The following RUSF1 variants were observed in gnomAD, a reference collection of about 807,000 sequenced individuals.
RUSF1 encodes RUS family member 1, also known as RUS1 family protein C16orf58.
Under a neutral mutation model 63.0 loss-of-function variants are expected in RUSF1, and 58 were observed. The ratio of observed to expected loss-of-function variants is 0.92; its 90% CI spans 0.75 to 1.15. The LOEUF (loss-of-function observed/expected upper bound fraction) is 1.15. Ranked by LOEUF, RUSF1 falls within the 50% of genes most tolerant of loss-of-function variation. The pLI, the probability that RUSF1 is intolerant of heterozygous loss-of-function variation, is 0.00. For synonymous variants in RUSF1, 274 were observed against 255.8 expected (o/e 1.07, Z -0.68); for missense variants, 652 against 611.0 (o/e 1.07, Z -0.71).
chr16:31,508,365 G>A lies in RUSF1; in HGVS notation c.9C>T (p.Asp3=), dbSNP rs889769812. 4.8e-5 allele frequency: 73 copies of A among 1,514,754 alleles called. No individual in the cohort carries two copies. The highest frequency in any genetic ancestry group is 6.1e-5 in the Non-Finnish European group (70 of 1,144,490). The allele number at this position is 1,514,754 out of a possible 1,614,324, so 93.8% of individuals were successfully genotyped here. A position where few individuals can be genotyped will look rare whatever the true frequency, so the allele number is the denominator to read the frequency against. The change falls in exon 1 of 13, where the codon GAC becomes GAT. Residue 3 remains aspartate, a synonymous_variant. Transcript: ENST00000327237. MA[D]DAGLETPLCS... is the part of the protein sequence containing the mutation. Reference sequence around the variant, plus strand: ...ACAGCGGGGTCTCCAAACCCGCGTCGTCAGCCATGCCGAGCTTTTGGATCC... The same window carrying A: ...ACAGCGGGGTCTCCAAACCCGCGTCATCAGCCATGCCGAGCTTTTGGATCC...
chr16:31,490,033 G>A lies in RUSF1; in HGVS notation c.*802C>T. 2 of 1,602,994 alleles carry A rather than the reference G, an allele frequency of 1.2e-6. No homozygotes were observed. Among genetic ancestry groups the A allele is most frequent in the Non-Finnish European group, 8.5e-7 (1 of 1,174,450 alleles). ...GTAGGGCAGGCAGTGACGAGCTGGT[G>A]TGCAAGAGACTTTAGGGCCAGGCAT... is the stretch of plus-strand genomic sequence containing the variant. On this transcript the variant is annotated 3_prime_UTR_variant, in exon 13 of 13. Transcript: ENST00000327237.
chr16:31,500,695 C>T lies in RUSF1; in HGVS notation c.452G>A (p.Trp151Ter). 1 of 1,612,598 alleles carries T rather than the reference C, an allele frequency of 6.2e-7. No homozygotes were observed. Among genetic ancestry groups the T allele is most frequent in the Non-Finnish European group, 8.5e-7 (1 of 1,178,952 alleles). Residue 151 changes from tryptophan to a stop codon, truncating the protein, a stop_gained, in exon 3 of 13, where the codon TGG (tryptophan) becomes TAG (stop). Transcript: ENST00000327237. LOFTEE classifies it high-confidence loss of function. ...GGGAAGACAAACTCACCCTTTCCACCAGGCAAAGACGATGCGGCCCAGCAT... is the reference window on the plus strand; with the variant it reads ...GGGAAGACAAACTCACCCTTTCCACTAGGCAAAGACGATGCGGCCCAGCAT... ...TGMLGRIVFAWWKGSKLDCNA... is the reference protein window; with the variant it reads ...TGMLGRIVFA
chr16:31,489,730 C>G lies in RUSF1; in HGVS notation c.*1105G>C, dbSNP rs760026789. On this transcript the variant is annotated 3_prime_UTR_variant, in exon 13 of 13. Coordinates refer to ENST00000327237, the MANE Select transcript of RUSF1 (RefSeq NM_022744.4). Reference sequence around the variant, plus strand: ...GTGGGGTGAGGACAGGACAAGAGATCTGGGTGTGGAAGGATGGCCGGGTTT... The same window carrying G: ...GTGGGGTGAGGACAGGACAAGAGATGTGGGTGTGGAAGGATGGCCGGGTTT... 4.5e-6 allele frequency: 2 copies of G among 446,888 alleles called. No homozygotes were observed. The highest frequency in any genetic ancestry group is 4.0e-5 in the African/African-American group (2 of 50,174). The allele number at this position is 446,888 out of a possible 1,614,324, so 27.7% of individuals were successfully genotyped here.
In RUSF1 at chr16:31,493,472, G is replaced by A; in HGVS notation, c.1011C>T (p.Val337=). The A allele has an allele frequency of 3.1e-6, 5 of 1,605,044 alleles. No individual in the cohort carries two copies. Among genetic ancestry groups the A allele is most frequent in the Non-Finnish European group, 4.3e-6 (5 of 1,175,746 alleles). ...GGAGACGCTAGGCCACTCACCTGGA[G>A]ACCAAGCGGTGTAAGGGGACCCCCA... ...LSLGVPLHRL[V]SSVFELQQLV... The change falls in exon 9 of 13, where the codon GTC becomes GTT. Residue 337 remains valine, a synonymous_variant. Transcript: ENST00000327237.
intron 2 of RUSF1, among the ~76,000 whole-genome samples, chr16:31,503,663 CTTTA>C (rs758037134): frequency 2.2e-4 from 34 of 152,078 alleles, no homozygotes; most frequent in African/African-American, 4.3e-4. Flanking sequence ...AATAACAAGC[CTTTA>C]TTTATTTATT....
chr16:31,492,124 T>G lies in RUSF1; in HGVS notation c.1232-38A>C, dbSNP rs1002199325. The G allele has an allele frequency of 3.1e-6, 5 of 1,613,854 alleles. No individual in the cohort carries two copies. In the African/African-American group the frequency reaches 6.7e-5, roughly 22 times the overall value. ...GTGCAGAACCAGAAGCTCTGTGTCC[T>G]CCAGCAGGACAGAGTTTGTCCTCTC... On this transcript the variant is annotated intron_variant, in intron 11 of 12. Transcript: ENST00000327237.
intron 6 of RUSF1, among the ~76,000 whole-genome samples, chr16:31,495,356 G>T (rs2082596540): frequency 6.6e-6 from 1 of 152,194 alleles, no homozygotes; most frequent in African/African-American, 2.4e-5. Context: ...AGGAAACTGG[G>T]GATCAGGGAC....
chr16:31,493,742 G>T lies in RUSF1; in HGVS notation c.819C>A (p.Tyr273Ter). ...GGGCTCGGACCGCGCGGTAGTTGGC[G>T]TAGATGTGGAGGGCAGTGAGGAAGA... The part of the protein sequence containing the change: ...CFFFLTALHI[Y>*]ANYRAVRALV... The change falls in exon 8 of 13, where the codon TAC becomes TAA. Residue 273 changes from tyrosine (Y) to a stop codon, truncating the protein, a stop_gained. Coordinates refer to ENST00000327237, the MANE Select transcript of RUSF1 (RefSeq NM_022744.4). LOFTEE classifies it high-confidence loss of function. The T allele has an allele frequency of 6.2e-7, 1 of 1,614,234 alleles. No homozygotes were observed. The highest frequency in any genetic ancestry group is 8.5e-7 in the Non-Finnish European group (1 of 1,180,046).
At position 31,490,178 on chromosome 16, in the gene RUSF1, C is replaced by G; in HGVS notation, c.*657G>C. ...ACCTGGATGCTGATGAGCAGCAAGG[C>G]TCCTCACTCCCTGTACAGAATGGGT... On this transcript the variant is annotated 3_prime_UTR_variant, in exon 13 of 13. Transcript: ENST00000327237. 6.2e-7 allele frequency: 1 copy of G among 1,614,202 alleles called. No individual in the cohort carries two copies.
rs780823103 is a variant in RUSF1, at chr16:31,493,936, C to T, written c.703G>A (p.Glu235Lys). Residue 235 changes from glutamate (E) to lysine (K), a missense_variant and splice_region_variant, in exon 7 of 13, where the codon GAG becomes AAG. By Grantham distance (56) the Glu-to-Lys change is moderately conservative. Coordinates refer to ENST00000327237, the MANE Select transcript of RUSF1 (RefSeq NM_022744.4). ...AGCCCCGCCAGGTTCACCAGCGTCT[C>T]CTGGAAAATGGCAGAGGGAGAAGGA... ...ADVSAKDSSQ[E>K]TLVNLAGLLV... 1 of 1,614,042 alleles carries T rather than the reference C, an allele frequency of 6.2e-7. No homozygotes were observed.
Position 31,489,715 on chromosome 16 carries a change from G to C in RUSF1, c.*1120C>G, listed in dbSNP as rs989302446. The C allele has an allele frequency of 1.8e-5, 8 of 451,962 alleles. No individual in the cohort carries two copies. The highest frequency in any genetic ancestry group is 1.6e-4 in the African/African-American group (8 of 50,346). 28.0% of individuals were successfully genotyped at this position (451,962 alleles called of 1,614,324 possible). ...GCTGATGGTGGCAGGGTGGGGTGAG[G>C]ACAGGACAAGAGATCTGGGTGTGGA... On this transcript the variant is annotated 3_prime_UTR_variant, in exon 13 of 13. Transcript: ENST00000327237.
intron 3 of RUSF1, 29 bp downstream of exon 3, chr16:31,500,657 A>G (rs765561084): frequency 6.2e-7 from 1 of 1,608,632 alleles, no homozygotes. Context: ...AAGAGTTGCC[A>G]GAGTTGCTGG....
intron 2 of RUSF1, among the ~76,000 whole-genome samples, chr16:31,507,204 G>C (rs571558911): frequency 6.6e-6 from 1 of 152,230 alleles, no homozygotes; most frequent in South Asian, 2.1e-4. Context: ...TCCCTTTTCT[G>C]TTCTATTTCC....
chr16:31,493,743 T>A lies in RUSF1; in HGVS notation c.818A>T (p.Tyr273Phe), dbSNP rs1239121483. 6.2e-7 allele frequency: 1 copy of A among 1,614,084 alleles called. No homozygotes were observed. Residue 273 changes from tyrosine (Y) to phenylalanine (F), a missense_variant, in exon 8 of 13, where the codon TAC (tyrosine) becomes TTC (phenylalanine). Coordinates refer to ENST00000327237, the MANE Select transcript of RUSF1 (RefSeq NM_022744.4). ...CFFFLTALHIYANYRAVRALV... is the reference protein window; with the variant it reads ...CFFFLTALHIFANYRAVRALV... ...GGCTCGGACCGCGCGGTAGTTGGCG[T>A]AGATGTGGAGGGCAGTGAGGAAGAA...
chr16:31,493,437 G>A, intron 9 of RUSF1, 30 bp downstream of exon 9: 1 of 1,572,698 alleles, frequency 6.4e-7, no homozygotes. Context: ...GGTGGCGGTG[G>A]TGACGAGCGG....
At chr16:31,493,973 C>T (rs1472513685) in intron 6 of RUSF1, 37 bp from the exon 7 acceptor site, 1 of 1,601,344 alleles carries the variant, frequency 6.2e-7, no homozygotes, top group Non-Finnish European at 8.5e-7. Context: ...TTGGAAGGTG[C>T]CCCTCCAGGC....
intron 5 of RUSF1, among the ~76,000 whole-genome samples, chr16:31,497,195 G>A (rs2082608268): frequency 6.6e-6 from 1 of 151,854 alleles, no homozygotes; most frequent in South Asian, 2.1e-4. Context: ...CAAGGTGGAG[G>A]CCCAAAGATC....
In RUSF1 at chr16:31,508,362, G is replaced by T; in HGVS notation, c.12C>A (p.Asp4Glu). The T allele has an allele frequency of 6.6e-7, 1 of 1,517,170 alleles. No individual in the cohort carries two copies. Among genetic ancestry groups the T allele is most frequent in the Non-Finnish European group, 8.7e-7 (1 of 1,145,588 alleles). 94.0% of individuals were successfully genotyped at this position (1,517,170 alleles called of 1,614,324 possible). Reference sequence around the variant, plus strand: ...AACACAGCGGGGTCTCCAAACCCGCGTCGTCAGCCATGCCGAGCTTTTGGA... The same window carrying T: ...AACACAGCGGGGTCTCCAAACCCGCTTCGTCAGCCATGCCGAGCTTTTGGA... MADDAGLETPLCSE... is the reference protein window; with the variant it reads MADEAGLETPLCSE... Residue 4 changes from aspartate (D) to glutamate (E), a missense_variant, in exon 1 of 13, where the codon GAC becomes GAA. Physicochemically the swap from Asp to Glu is conservative, Grantham distance 45. Coordinates refer to ENST00000327237, the MANE Select transcript of RUSF1 (RefSeq NM_022744.4).
chr16:31,492,284 C>T lies in RUSF1; in HGVS notation c.1144G>A (p.Ala382Thr), dbSNP rs866827880. ...GCCCCAAGCATCAGCCCATGTGTGGCGGCCCTTAGGATGGTCTTGGGGCCT... is the reference window on the plus strand; with the variant it reads ...GCCCCAAGCATCAGCCCATGTGTGGTGGCCCTTAGGATGGTCTTGGGGCCT... Reference protein sequence around the residue: ...KAGPKTILRAATHGLMLGALQ... With the variant: ...KAGPKTILRATTHGLMLGALQ... The change falls in exon 11 of 13, where the codon GCC becomes ACC. Residue 382 changes from alanine to threonine, a missense_variant. Physicochemically the swap from Ala to Thr is moderately conservative, Grantham distance 58. Coordinates refer to ENST00000327237, the MANE Select transcript of RUSF1 (RefSeq NM_022744.4). 66 of 1,612,298 alleles carry T rather than the reference C, an allele frequency of 4.1e-5. No homozygotes were observed. The South Asian group carries it at 5.7e-4, about 14-fold the overall frequency.
Sources: allele counts gnomAD v4.1 joint callset (sites outside exome capture counted in the v4.1 genomes callset), GRCh38; gene constraint gnomAD v4.1.1; transcripts MANE v1.5; gene names NCBI Gene and HGNC (gene_info 2026-07-23, HGNC 2026-07-21).